Variants in OTOG observed in about 807,000 individuals in gnomAD.
OTOG encodes otogelin.
A neutral mutation model predicts 313.8 loss-of-function variants in OTOG; 296 were observed. The observed-to-expected ratio is 0.94, with a 90% CI of 0.86 to 1.04. OTOG has a LOEUF of 1.04. OTOG is among the 50% of genes least tolerant of loss of function. The probability of loss-of-function intolerance (pLI) is 0.00; values close to 1 mark genes in which losing one functional copy is unlikely to be tolerated. For synonymous variants in OTOG, 1,533 were observed against 1,554.9 expected (o/e 0.99, Z 0.33); for missense variants, 3,948 against 3,840.1 (o/e 1.03, Z -0.74).
At chr11:17,593,388 G>A (rs765336327) in intron 26 of OTOG, 61 bp downstream of exon 26, 1 of 1,531,526 alleles carries the variant, frequency 6.5e-7, no homozygotes, top group Non-Finnish European at 8.8e-7. Context: ...GGTTGGGGCA[G>A]AAGAGGGCTG....
Position 17,633,882 on chromosome 11 carries a change from C to T in OTOG, c.7267+8C>T. The stretch of plus-strand genomic sequence containing the variant: ...TCCCGGAGGCCAAGTGCGGTAGGTT[C>T]CTCCCCTCCCTGAGTGGGGGGCCTC... On this transcript the variant is annotated splice_region_variant and intron_variant, in intron 43 of 55. Transcript: ENST00000399397. The T allele has an allele frequency of 6.6e-7, 1 of 1,521,180 alleles. No individual in the cohort carries two copies. The allele number at this position is 1,521,180 out of a possible 1,614,324, so 94.2% of individuals were successfully genotyped here.
intron 32 of OTOG, among the ~76,000 whole-genome samples, chr11:17,603,319 T>C (rs912996406): frequency 6.6e-6 from 1 of 152,178 alleles, no homozygotes; most frequent in South Asian, 2.1e-4. Flanking sequence ...CCCAGATCCA[T>C]GCATTCCTGC....
chr11:17,558,574 C>G lies in OTOG; in HGVS notation c.1033C>G (p.Pro345Ala), dbSNP rs1339656746. 2.6e-6 allele frequency: 4 copies of G among 1,550,410 alleles called. No individual in the cohort carries two copies. In the East Asian group the frequency reaches 7.3e-5, roughly 28 times the overall value. ...GCAGTGTGAGGCTCTACTGCGGCCC[C>G]CCTTTGACGCCTGCCACGCCTACGT... ...YEQCEALLRP[P>A]FDACHAYVSP... The change falls in exon 10 of 56, where the codon CCC becomes GCC. Residue 345 changes from proline (P) to alanine (A), a missense_variant. Physicochemically the swap from Pro to Ala is conservative, Grantham distance 27 (BLOSUM62 -1). Transcript: ENST00000399397.
Position 17,612,349 on chromosome 11 carries a change from G to A in OTOG, c.6292+19G>A, listed in dbSNP as rs185906884. The A allele has an allele frequency of 4.0e-6, 6 of 1,512,578 alleles. No individual in the cohort carries two copies. Among genetic ancestry groups the A allele is most frequent in the African/African-American group, 1.4e-5 (1 of 72,846 alleles). 93.7% of individuals were successfully genotyped at this position (1,512,578 alleles called of 1,614,324 possible). A position where few individuals can be genotyped will look rare whatever the true frequency, so the allele number is the denominator to read the frequency against. On this transcript the variant is annotated intron_variant, in intron 37 of 55. Coordinates refer to ENST00000399397, the MANE Select transcript of OTOG (RefSeq NM_001292063.2). ...TGTGCCTGTGAGTCATGGGATCAGCGGAGCCTCCTGCATCCTCCCTGTATC... is the reference window on the plus strand; with the variant it reads ...TGTGCCTGTGAGTCATGGGATCAGCAGAGCCTCCTGCATCCTCCCTGTATC...
Position 17,548,418 on chromosome 11 carries a change from C to CTTTTTTTTTTTTTTTTTTT in OTOG, c.216+226_216+244dup, listed in dbSNP as rs56402246. On this transcript the variant is annotated intron_variant, in intron 3 of 55. Transcript: ENST00000399397. ...ATCTCTTGGGGGTCTATAGTCCACT[C>CTTTTTTTTTTTTTTTTTTT]TTTTTTTTTTTTTTTTTTTTTTTTT... Among the ~76,000 whole-genome samples, 36 of 87,628 alleles carry CTTTTTTTTTTTTTTTTTTT rather than the reference C, an allele frequency of 4.1e-4. 3 individuals carry two copies. Among genetic ancestry groups the CTTTTTTTTTTTTTTTTTTT allele is most frequent in the African/African-American group, 4.7e-4 (10 of 21,118 alleles). 57.5% of individuals were successfully genotyped at this position (87,628 alleles called of 152,430 possible).
At chr11:17,645,151 T>C (rs1230778061) in intron 54 of OTOG, among the ~76,000 whole-genome samples, 1 of 152,212 alleles carries the variant, frequency 6.6e-6, no homozygotes, top group Admixed American at 6.5e-5. Flanking sequence ...TTTAGGAAAT[T>C]GCATAATCTT....
intron 3 of OTOG, among the ~76,000 whole-genome samples, chr11:17,549,228 T>G (rs1851880042): frequency 6.6e-6 from 1 of 152,008 alleles, no homozygotes; most frequent in African/African-American, 2.4e-5. Flanking sequence ...TGCAGCTAGG[T>G]CCCCCAAAGC....
Position 17,632,176 on chromosome 11 carries a change from T to C in OTOG, c.7022T>C (p.Met2341Thr), listed in dbSNP as rs997356132. ...PCVALTVYVA[M>T]CHKFHVCIEW... ...GTGGCCCTGACTGTGTACGTGGCCA[T>C]GTGCCACAAATTTCATGTGTGCATC... The change falls in exon 42 of 56, where the codon ATG becomes ACG. Residue 2341 changes from methionine to threonine, a missense_variant. Coordinates refer to ENST00000399397, the MANE Select transcript of OTOG (RefSeq NM_001292063.2). The C allele has an allele frequency of 6.4e-6, 10 of 1,551,150 alleles. No individual in the cohort carries two copies. The South Asian group carries it at 8.3e-5, about 13-fold the overall frequency.
At chr11:17,639,329 C>G in intron 48 of OTOG, 94 bp from the exon 49 acceptor site, 1 of 1,344,550 alleles carries the variant, frequency 7.4e-7, no homozygotes, top group Non-Finnish European at 1.0e-6. Context: ...CTTCAGAAGA[C>G]GGGTTGTGCC....
intron 33 of OTOG, among the ~76,000 whole-genome samples, chr11:17,607,535 A>T (rs1459487548): frequency 1.3e-5 from 2 of 152,246 alleles, no homozygotes; most frequent in Non-Finnish European, 1.5e-5. Flanking sequence ...GGGGGTAATA[A>T]TAGCGCCTAC....
chr11:17,640,169 G>A (rs989468435), intron 49 of OTOG, among the ~76,000 whole-genome samples: 1 of 152,134 alleles, frequency 6.6e-6, no homozygotes, highest in Non-Finnish European at 1.5e-5. Context: ...GGGCTTTCAT[G>A]TGTATTATTT....
chr11:17,591,270 C>A (rs549859137), intron 24 of OTOG, among the ~76,000 whole-genome samples, 180 bp from the exon 25 acceptor site: 94 of 152,354 alleles, frequency 6.2e-4, no homozygotes, highest in African/African-American at 2.1e-3. Flanking sequence ...CTCTGAGCCC[C>A]TGTGTCTCCT....
At chr11:17,582,444 G>A (rs1412965391) in intron 23 of OTOG, among the ~76,000 whole-genome samples, 1 of 152,086 alleles carries the variant, frequency 6.6e-6, no homozygotes, top group Non-Finnish European at 1.5e-5. Context: ...TTTCAGTTTG[G>A]GACTATTTTG....
chr11:17,640,481 G>A (rs1264371131), intron 49 of OTOG, among the ~76,000 whole-genome samples: 3 of 152,218 alleles, frequency 2.0e-5, no homozygotes, highest in African/African-American at 7.2e-5. Context: ...CATTGCTGAA[G>A]GAAGGTGAGA....
rs1001087651 is a variant in OTOG at position 17,631,572 on chromosome 11, C to G, written c.6713-130C>G. ...TCCTAGCTTCCCTTCACCTAATTTCCCTCACCTATAAAATGGGGATAATGG... is the reference window on the plus strand; with the variant it reads ...TCCTAGCTTCCCTTCACCTAATTTCGCTCACCTATAAAATGGGGATAATGG... On this transcript the variant is annotated intron_variant, in intron 40 of 55. Coordinates refer to ENST00000399397, the MANE Select transcript of OTOG (RefSeq NM_001292063.2). The G allele has an allele frequency of 5.3e-6, 4 of 752,332 alleles. No individual in the cohort carries two copies. The African/African-American group carries it at 7.1e-5, about 13-fold the overall frequency. The allele number at this position is 752,332 out of a possible 1,614,324, so 46.6% of individuals were successfully genotyped here. A position where few individuals can be genotyped will look rare whatever the true frequency, so the allele number is the denominator to read the frequency against.
At chr11:17,638,955 G>A (rs549277370) in intron 48 of OTOG, 22 of 436,676 alleles carry the variant, frequency 5.0e-5, no homozygotes, top group South Asian at 1.2e-4. Context: ...AAAATCAGCC[G>A]GGCACGGTGA....
chr11:17,603,435 C>T (rs868145457), intron 32 of OTOG, among the ~76,000 whole-genome samples: 1 of 152,110 alleles, frequency 6.6e-6, no homozygotes, highest in Non-Finnish European at 1.5e-5. Flanking sequence ...ATGTGTAGTC[C>T]AGAGGGGGTG....
intron 17 of OTOG, 76 bp from the exon 18 acceptor site, chr11:17,572,004 T>C: frequency 1.3e-6 from 2 of 1,533,226 alleles, no homozygotes; most frequent in Non-Finnish European, 1.8e-6. Flanking sequence ...AAGTAGGTGT[T>C]ACCTGGATCT....
At chr11:17,593,074 T>C in intron 25 of OTOG, 119 bp from the exon 26 acceptor site, 1 of 1,060,554 alleles carries the variant, frequency 9.4e-7, no homozygotes, top group Non-Finnish European at 1.3e-6. Flanking sequence ...ACAGCTCAGC[T>C]AACACAAAGT....
Sources: allele counts gnomAD v4.1 joint callset (sites outside exome capture counted in the v4.1 genomes callset), GRCh38; gene constraint gnomAD v4.1.1; transcripts MANE v1.5; gene names NCBI Gene and HGNC (gene_info 2026-07-23, HGNC 2026-07-21).